Variants in C12orf56 observed in about 807,000 individuals in gnomAD.
The protein encoded by C12orf56 is uncharacterized protein C12orf56.
In C12orf56, 71 loss-of-function variants were observed where a neutral mutation model predicts 69.9. The ratio of observed to expected loss-of-function variants is 1.02; its 90% CI spans 0.84 to 1.24. C12orf56 has a LOEUF of 1.24. Ranked by LOEUF, C12orf56 falls within the 50% of genes most tolerant of loss-of-function variation. C12orf56 has a pLI of 0.00. For synonymous variants in C12orf56, 276 were observed against 274.1 expected, an observed-to-expected ratio of 1.01 and a Z score of -0.07; for missense variants, 732 against 738.5, an observed-to-expected ratio of 0.99 and a Z score of 0.10.
At chr12:64,277,889 T>A in intron 8 of C12orf56, 86 bp from the exon 9 acceptor site, 2 of 1,131,322 alleles carry the variant, frequency 1.8e-6, no homozygotes, top group Non-Finnish European at 1.2e-6. Flanking sequence ...CTGGATATAA[T>A]TATGTTTAAA....
intron 1 of C12orf56, among the ~76,000 whole-genome samples, chr12:64,372,007 C>T (rs1565779999): frequency 6.7e-6 from 1 of 150,006 alleles, no homozygotes; most frequent in Non-Finnish European, 1.5e-5. Context: ...TCTCAAACTA[C>T]TGACCTCAAG....
intron 2 of C12orf56, among the ~76,000 whole-genome samples, chr12:64,331,447 G>T (rs1487181928): frequency 6.6e-6 from 1 of 152,136 alleles, no homozygotes; most frequent in African/African-American, 2.4e-5. Flanking sequence ...GATGCAGTGA[G>T]CTATGATCAC....
chr12:64,306,174 A>G (rs188604854), intron 5 of C12orf56, among the ~76,000 whole-genome samples: 42 of 152,304 alleles, frequency 2.8e-4, no homozygotes, highest in Non-Finnish European at 5.3e-4. Context: ...TTCAAGTTAG[A>G]GTACATATTC....
chr12:64,279,225 A>C (rs981439874), intron 8 of C12orf56, among the ~76,000 whole-genome samples: 2 of 152,136 alleles, frequency 1.3e-5, no homozygotes, highest in Non-Finnish European at 2.9e-5. Flanking sequence ...CAACTCCACC[A>C]TTTTGTAAAA....
At chr12:64,268,192 A>G (rs2037938706) in intron 12 of C12orf56, among the ~76,000 whole-genome samples, 1 of 152,196 alleles carries the variant, frequency 6.6e-6, no homozygotes. Context: ...CCACACCTAA[A>G]TGGCTACCAG....
Position 64,370,482 on chromosome 12 carries a change from C to G in C12orf56, c.253-17426G>C, listed in dbSNP as rs1324481036. 7.3e-5 allele frequency among the ~76,000 whole-genome samples: 11 copies of G among 151,624 alleles called. No homozygotes were observed. The East Asian group carries it at 2.1e-3, about 29-fold the overall frequency. On this transcript the variant is annotated intron_variant, in intron 1 of 12. Transcript: ENST00000543942. ...CCTGACCAACAGAGCAAAACCACAT[C>G]TCTACCAAAAATACAAAAATTAGCT...
chr12:64,369,311 C>T (rs2039538966), intron 1 of C12orf56, among the ~76,000 whole-genome samples: 2 of 152,164 alleles, frequency 1.3e-5, no homozygotes, highest in Admixed American at 1.3e-4. Flanking sequence ...GATTCTCCTG[C>T]CTCAGCCTCC....
Position 64,356,181 on chromosome 12 carries a change from A to C in C12orf56, c.253-3125T>G, listed in dbSNP as rs930609641. On this transcript the variant is annotated intron_variant, in intron 1 of 12. Transcript: ENST00000543942. ...GCAAGACTCCATCTCAAAAAAAAAAAAAAAAAAAAAAAAAAAAACCATACA... is the reference window on the plus strand; with the variant it reads ...GCAAGACTCCATCTCAAAAAAAAAACAAAAAAAAAAAAAAAAAACCATACA... Among the ~76,000 whole-genome samples the C allele has an allele frequency of 7.4e-3, 1,109 of 148,902 alleles. 25 individuals are homozygous for C. Among genetic ancestry groups the C allele is most frequent in the Admixed American group, 0.013 (192 of 14,932 alleles).
At chr12:64,341,785 A>G (rs779662785) in intron 2 of C12orf56, among the ~76,000 whole-genome samples, 2 of 152,014 alleles carry the variant, frequency 1.3e-5, no homozygotes, top group African/African-American at 2.4e-5. Flanking sequence ...CTGGCTGATC[A>G]CCCCGAGGAA....
intron 6 of C12orf56, among the ~76,000 whole-genome samples, chr12:64,297,611 C>T (rs2038384146): frequency 6.6e-6 from 1 of 152,160 alleles, no homozygotes; most frequent in African/African-American, 2.4e-5. Context: ...TCAACTCCCA[C>T]TTATGAATGA....
chr12:64,321,840 C>A (rs962698105), intron 3 of C12orf56, among the ~76,000 whole-genome samples: 1 of 151,856 alleles, frequency 6.6e-6, no homozygotes, highest in African/African-American at 2.4e-5. Context: ...GCAGTTTGAT[C>A]ATGATGTGTT....
chr12:64,338,719 C>A (rs911443919), intron 2 of C12orf56: 7 of 1,520,864 alleles, frequency 4.6e-6, no homozygotes, highest in Non-Finnish European at 6.4e-6. Flanking sequence ...CTTCTGCTTT[C>A]TCATTGGCTT....
chr12:64,313,194 G>A (rs141425515), intron 4 of C12orf56, among the ~76,000 whole-genome samples: 4,642 of 148,924 alleles, frequency 0.031, 248 homozygotes, highest in African/African-American at 0.11. Flanking sequence ...CCCGGGGGGC[G>A]GAGCTTGCAG....
intron 2 of C12orf56, among the ~76,000 whole-genome samples, chr12:64,346,257 G>A (rs1293363909): frequency 6.6e-6 from 1 of 152,078 alleles, no homozygotes; most frequent in East Asian, 1.9e-4. Flanking sequence ...GACGTTCGAG[G>A]GCAGGAAGCA....
chr12:64,301,300 C>G (rs1317384943), intron 6 of C12orf56, among the ~76,000 whole-genome samples: 1 of 152,120 alleles, frequency 6.6e-6, no homozygotes, highest in Non-Finnish European at 1.5e-5. Context: ...TAGGCCTTTC[C>G]TGGGCCTTGA....
At chr12:64,370,662 A>C (rs1184625330) in intron 1 of C12orf56, among the ~76,000 whole-genome samples, 2 of 152,152 alleles carry the variant, frequency 1.3e-5, no homozygotes, top group African/African-American at 4.8e-5. Flanking sequence ...AAGAAAGATA[A>C]AAAGATGCTA....
At chr12:64,330,939 T>C (rs1160355477) in intron 3 of C12orf56, 21 bp downstream of exon 3, 2 of 1,521,118 alleles carry the variant, frequency 1.3e-6, no homozygotes, top group Non-Finnish European at 1.8e-6. Context: ...GTTAAACACA[T>C]ACTCCAAACA....
At chr12:64,352,855 T>C in intron 2 of C12orf56, 39 bp downstream of exon 2, 1 of 1,528,882 alleles carries the variant, frequency 6.5e-7, no homozygotes, top group Non-Finnish European at 8.8e-7. Context: ...TATACTTTTT[T>C]TTTTGCCTTA....
chr12:64,325,880 G>A (rs2038832512), intron 3 of C12orf56, among the ~76,000 whole-genome samples: 1 of 152,032 alleles, frequency 6.6e-6, no homozygotes, highest in African/African-American at 2.4e-5. Flanking sequence ...CCCTATTGCT[G>A]CCCCAAAGAT....
Sources: gnomAD v4.1 joint callset for allele counts (sites outside exome capture counted in the v4.1 genomes callset) on GRCh38, gnomAD v4.1.1 for gene constraint, MANE v1.5 for transcripts, NCBI Gene and HGNC (gene_info 2026-07-23, HGNC 2026-07-21) for gene names.